Variants in LIMCH1 observed in about 807,000 individuals in gnomAD.
LIMCH1 encodes LIM and calponin homology domains 1, also known as LIM and calponin homology domains-containing protein 1.
Under a neutral mutation model 176.5 loss-of-function variants are expected in LIMCH1, and 113 were observed. The observed-to-expected ratio is 0.64, with a 90% confidence interval of 0.55 to 0.75. LIMCH1 has a LOEUF of 0.75. LIMCH1 is among the 30% of genes least tolerant of loss of function. The probability of loss-of-function intolerance (pLI) is 0.00; values close to 1 mark genes in which losing one functional copy is unlikely to be tolerated. For missense variants in LIMCH1, 1,674 were observed against 1,814.9 expected (o/e 0.92, Z 1.41); for synonymous variants, 619 against 645.9 (o/e 0.96, Z 0.63).
chr4:41,366,428 A>G (rs2052995703), intron 1 of LIMCH1, among the ~76,000 whole-genome samples: 1 of 152,192 alleles, frequency 6.6e-6, no homozygotes, highest in South Asian at 2.1e-4. Context: ...AAAGTACAAT[A>G]CAATTTTATA....
chr4:41,628,650 G>A (rs1362824472), intron 8 of LIMCH1, among the ~76,000 whole-genome samples: 1 of 152,106 alleles, frequency 6.6e-6, no homozygotes, highest in Non-Finnish European at 1.5e-5. Flanking sequence ...TCTATTTCAA[G>A]AAGCATATTT....
chr4:41,620,238 G>T, intron 6 of LIMCH1, 186 bp from the exon 7 acceptor site: 2 of 589,634 alleles, frequency 3.4e-6, no homozygotes, highest in South Asian at 2.5e-5. Flanking sequence ...TCAATGTTGC[G>T]GGTATGATGC....
rs889952286 is a variant in LIMCH1 at position 41,560,944 on chromosome 4, G to A, written c.-241+22594G>A. Among the ~76,000 whole-genome samples, 11 of 151,738 alleles carry A rather than the reference G, an allele frequency of 7.2e-5. No individual in the cohort carries two copies. In the East Asian group the frequency reaches 1.8e-3, roughly 24 times the overall value. ...AGGCAGGAGGATCACTTTAGTCCAG[G>A]AGGTCAAGGCTGCCGTGAGCCATGA... is the stretch of plus-strand genomic sequence containing the variant. On this transcript the variant is annotated intron_variant, in intron 1 of 31. Coordinates refer to ENST00000503057, the MANE Select transcript of LIMCH1 (RefSeq NM_001330672.2).
intron 1 of LIMCH1, among the ~76,000 whole-genome samples, chr4:41,462,014 G>C (rs1419757877): frequency 6.6e-6 from 1 of 152,158 alleles, no homozygotes; most frequent in Non-Finnish European, 1.5e-5. Flanking sequence ...ATTTTGGCCA[G>C]TGTTGCCAAA....
At chr4:41,461,326 C>T (rs915987846) in intron 1 of LIMCH1, among the ~76,000 whole-genome samples, 1 of 152,164 alleles carries the variant, frequency 6.6e-6, no homozygotes, top group African/African-American at 2.4e-5. Flanking sequence ...TCCTAGAATG[C>T]TGGATGCAGT....
rs144527283 is a variant in LIMCH1, at chr4:41,606,605, A to C, written c.9+601A>C. Among the ~76,000 whole-genome samples, 777 of 152,268 alleles carry C rather than the reference A, an allele frequency of 5.1e-3. 4 individuals are homozygous for C. The highest frequency in any genetic ancestry group is 0.018 in the African/African-American group (734 of 41,552). Reference sequence around the variant, plus strand: ...GTTTCTTTGAGTATAGAAAAGACTGACCTAAGGTAGGGATTTGTCAAGGAA... The same window carrying C: ...GTTTCTTTGAGTATAGAAAAGACTGCCCTAAGGTAGGGATTTGTCAAGGAA... On this transcript the variant is annotated intron_variant, in intron 4 of 31. Transcript: ENST00000503057.
chr4:41,534,999 A>C (rs1192108883), upstream of LIMCH1, among the ~76,000 whole-genome samples: 3 of 151,856 alleles, frequency 2.0e-5, no homozygotes, highest in Admixed American at 1.3e-4. Flanking sequence ...TGTCTTTACT[A>C]AAAATACAAA....
chr4:41,585,053 C>T (rs2086200262), intron 1 of LIMCH1, among the ~76,000 whole-genome samples: 3 of 152,128 alleles, frequency 2.0e-5, no homozygotes, highest in African/African-American at 7.2e-5. Flanking sequence ...TGAGGGCTCA[C>T]CCTCATGACT....
intron 1 of LIMCH1, among the ~76,000 whole-genome samples, chr4:41,588,666 C>G (rs945272636): frequency 2.6e-5 from 4 of 152,222 alleles, no homozygotes; most frequent in Non-Finnish European, 4.4e-5. Context: ...TTTAGCTCTT[C>G]AACCAAGTGG....
At chr4:41,478,810 G>A (rs1266006153) in intron 1 of LIMCH1, among the ~76,000 whole-genome samples, 1 of 152,196 alleles carries the variant, frequency 6.6e-6, no homozygotes, top group Non-Finnish European at 1.5e-5. Flanking sequence ...CAGATGAAGA[G>A]TGAGTTGAAC....
At chr4:41,366,786 T>C (rs1435996736) in intron 1 of LIMCH1, among the ~76,000 whole-genome samples, 1 of 152,216 alleles carries the variant, frequency 6.6e-6, no homozygotes, top group Non-Finnish European at 1.5e-5. Context: ...TTTGCAATAT[T>C]GAAAACAACA....
At chr4:41,675,968 A>G (rs2095203671) in intron 22 of LIMCH1, among the ~76,000 whole-genome samples, 1 of 152,224 alleles carries the variant, frequency 6.6e-6, no homozygotes, top group African/African-American at 2.4e-5. Context: ...ATAGCGTGGC[A>G]AACAACACTT....
chr4:41,629,654 C>G lies in LIMCH1; in HGVS notation c.1191C>G (p.Pro397=). 6.5e-7 allele frequency: 1 copy of G among 1,535,980 alleles called. No homozygotes were observed. The highest frequency in any genetic ancestry group is 2.4e-5 in the East Asian group (1 of 40,906). Residue 397 remains proline (P), a synonymous_variant, in exon 9 of 32, where the codon CCC becomes CCG. Coordinates refer to ENST00000503057, the MANE Select transcript of LIMCH1 (RefSeq NM_001330672.2). The stretch of plus-strand genomic sequence containing the variant: ...GCAGCCTTGCCCCTCACCGCGAGCC[C>G]CCGAGCTTCATTACGCTCTCCAACA... ...IQGSLAPHRE[P]PSFITLSNIT...
intron 20 of LIMCH1, among the ~76,000 whole-genome samples, chr4:41,666,289 A>T (rs2152994600): frequency 6.6e-6 from 1 of 152,350 alleles, no homozygotes; most frequent in Non-Finnish European, 1.5e-5. Flanking sequence ...GTATAATTCC[A>T]AAGATGTAAT....
At chr4:41,418,895 A>G (rs950141615) in intron 1 of LIMCH1, 8 of 152,226 alleles carry the variant, frequency 5.3e-5, no homozygotes, top group Non-Finnish European at 5.9e-5. Context: ...CTAGAGAACA[A>G]ACATATATTT....
intron 1 of LIMCH1, among the ~76,000 whole-genome samples, chr4:41,401,090 A>C (rs2058388645): frequency 1.3e-5 from 2 of 152,184 alleles, no homozygotes; most frequent in Non-Finnish European, 2.9e-5. Flanking sequence ...GGTGTTTTAC[A>C]CATGAAGTCC....
chr4:41,461,546 T>A (rs1234719872), intron 1 of LIMCH1, among the ~76,000 whole-genome samples: 1 of 152,192 alleles, frequency 6.6e-6, no homozygotes, highest in East Asian at 1.9e-4. Flanking sequence ...GCCTCAAATC[T>A]CTAGAGCACG....
intron 13 of LIMCH1, among the ~76,000 whole-genome samples, chr4:41,637,519 T>C (rs2093643225): frequency 6.6e-6 from 1 of 152,230 alleles, no homozygotes; most frequent in Non-Finnish European, 1.5e-5. Flanking sequence ...AACCCACTTG[T>C]CATCTGCTTC....
At chr4:41,593,281 A>G (rs1246532222) in intron 1 of LIMCH1, among the ~76,000 whole-genome samples, 7 of 152,256 alleles carry the variant, frequency 4.6e-5, no homozygotes, top group African/African-American at 1.7e-4. Context: ...AGTTACATAA[A>G]CAGTGGTATA....
Sources: gnomAD v4.1 joint callset for allele counts (sites outside exome capture counted in the v4.1 genomes callset) on GRCh38, gnomAD v4.1.1 for gene constraint, MANE v1.5 for transcripts, NCBI Gene and HGNC (gene_info 2026-07-23, HGNC 2026-07-21) for gene names.